Variants in CDC23 observed in about 807,000 individuals in gnomAD.
CDC23 encodes the protein cell division cycle 23.
Under a neutral mutation model 81.7 loss-of-function variants are expected in CDC23, and 26 were observed. That is an observed-to-expected ratio of 0.32 (90% CI 0.23 to 0.44). CDC23 has a LOEUF of 0.44. Ranked by LOEUF, CDC23 falls within the 20% of genes least tolerant of loss-of-function variation. The probability of loss-of-function intolerance (pLI) is 1.00; values close to 1 mark genes in which losing one functional copy is unlikely to be tolerated. For synonymous variants in CDC23, 267 were observed against 270.8 expected (o/e 0.99, Z 0.14); for missense variants, 519 against 728.0 (o/e 0.71, Z 3.30).
chr5:138,189,242 A>C, intron 15 of CDC23, 94 bp from the exon 16 acceptor site: 1 of 1,173,868 alleles, frequency 8.5e-7, no homozygotes. Context: ...CCACAGATCA[A>C]GGAGGCGGGA....
At position 138,189,715 on chromosome 5, in the gene CDC23, C is replaced by T; in HGVS notation, c.1541G>A (p.Arg514His). ...CTTAAAATAGTACTGGGCCAGATAGCGAAAGGCAGTGCTTTCCTCCAAGTG... is the reference window on the plus strand; with the variant it reads ...CTTAAAATAGTACTGGGCCAGATAGTGAAAGGCAGTGCTTTCCTCCAAGTG... The part of the protein sequence containing the change: ...VEHLEESTAF[R>H]YLAQYYFKCK... Residue 514 changes from arginine (R) to histidine (H), a missense_variant, in exon 15 of 16, where the codon CGC becomes CAC. By Grantham distance (29) the Arg-to-His change is conservative. Around this residue, in one of 4 missense-constraint regions of CDC23, gnomAD observed 175 missense variants for 337.8 expected, o/e 0.52. Transcript: ENST00000394886. 3.7e-6 allele frequency: 6 copies of T among 1,613,900 alleles called. No homozygotes were observed. The highest frequency in any genetic ancestry group is 5.1e-6 in the Non-Finnish European group (6 of 1,179,878).
intron 7 of CDC23, 34 bp downstream of exon 7, chr5:138,198,571 G>A (rs1481270784): frequency 1.2e-6 from 2 of 1,612,686 alleles, no homozygotes; most frequent in Non-Finnish European, 1.7e-6. Flanking sequence ...ACCTGTCAGG[G>A]TCTGATAGTA....
rs200106065 is a variant in CDC23, at chr5:138,192,237, T to C, written c.1286+32A>G. ...AAAAAAAAGTTATTAGCCCTTCCCA[T>C]ATCAGACGCATTGTCAAGTGACCAG... On this transcript the variant is annotated intron_variant, in intron 11 of 15. Transcript: ENST00000394886. The C allele has an allele frequency of 2.5e-6, 4 of 1,613,644 alleles. No homozygotes were observed. The East Asian group carries it at 6.7e-5, about 27-fold the overall frequency.
At chr5:138,200,258 A>G (rs776343037) in intron 6 of CDC23, among the ~76,000 whole-genome samples, 12 of 152,070 alleles carry the variant, frequency 7.9e-5, no homozygotes, top group Non-Finnish European at 1.3e-4. Flanking sequence ...CAGCCTCCCG[A>G]GTAGCTGGGA....
intron 3 of CDC23, among the ~76,000 whole-genome samples, chr5:138,203,801 T>A (rs1391670810): frequency 6.6e-6 from 1 of 151,988 alleles, no homozygotes; most frequent in East Asian, 1.9e-4. Context: ...TAATCCCAGC[T>A]ACCCAGGAGG....
intron 11 of CDC23, 140 bp from the exon 12 acceptor site, chr5:138,192,077 G>T: frequency 2.2e-6 from 2 of 922,686 alleles, no homozygotes; most frequent in African/African-American, 1.7e-5. Flanking sequence ...ATTACTTTGT[G>T]TTCATAATTA....
chr5:138,209,575 A>G (rs1755090926), intron 2 of CDC23, among the ~76,000 whole-genome samples: 1 of 152,134 alleles, frequency 6.6e-6, no homozygotes, highest in Non-Finnish European at 1.5e-5. Context: ...CTGTAATCCT[A>G]GCACTTTGGG....
In CDC23 at chr5:138,201,373, G is replaced by A. The variant is rs557103258; in HGVS notation, c.491C>T (p.Ala164Val). 2.5e-6 allele frequency: 4 copies of A among 1,614,026 alleles called. No homozygotes were observed. The South Asian group carries it at 3.3e-5, about 13-fold the overall frequency. Reference protein sequence around the residue: ...LRVELSKKHQARELDGFGLYL... With the variant: ...LRVELSKKHQVRELDGFGLYL... The stretch of plus-strand genomic sequence containing the variant: ...AAGTCCAAATCCATCAAGTTCTCGA[G>A]CTTGGTGTTTTTTGCTGAGCTCCAC... The change falls in exon 5 of 16, where the codon GCT becomes GTT. Residue 164 changes from alanine (A) to valine (V), a missense_variant. Around this residue, in one of 4 missense-constraint regions of CDC23, gnomAD observed 180 missense variants for 239.3 expected, o/e 0.75. Coordinates refer to ENST00000394886, the MANE Select transcript of CDC23 (RefSeq NM_004661.4).
chr5:138,189,824 A>C lies in CDC23; in HGVS notation c.1503+4T>G, dbSNP rs762284617. On this transcript the variant is annotated splice_donor_region_variant and intron_variant, in intron 14 of 15. Coordinates refer to ENST00000394886, the MANE Select transcript of CDC23 (RefSeq NM_004661.4). ...CAGTACAATTCTCATGGTATGATAC[A>C]TACCCCACAGGAATAGATATCTTGG... 2 of 1,614,090 alleles carry C rather than the reference A, an allele frequency of 1.2e-6. No homozygotes were observed. The highest frequency in any genetic ancestry group is 1.7e-6 in the Non-Finnish European group (2 of 1,179,954).
intron 9 of CDC23, among the ~76,000 whole-genome samples, chr5:138,196,967 C>T (rs1163925342): frequency 1.4e-5 from 2 of 143,030 alleles, no homozygotes; most frequent in African/African-American, 5.4e-5. Context: ...CCAGGCTGGA[C>T]TCGAACCCTG....
intron 2 of CDC23, among the ~76,000 whole-genome samples, chr5:138,211,660 CAAA>C (rs1316881432): frequency 8.7e-6 from 1 of 114,818 alleles, no homozygotes; most frequent in Non-Finnish European, 1.8e-5. Flanking sequence ...GACTCCGTCT[CAAA>C]AAAAAAAAAA....
At position 138,191,487 on chromosome 5, in the gene CDC23, C is replaced by A. The variant is rs779553359; in HGVS notation, c.1411G>T (p.Val471Leu). 1.2e-6 allele frequency: 2 copies of A among 1,614,092 alleles called. No homozygotes were observed. The highest frequency in any genetic ancestry group is 1.1e-5 in the South Asian group (1 of 91,082). The change falls in exon 13 of 16, where the codon GTG becomes TTG. Residue 471 changes from valine (V) to leucine (L), a missense_variant. By Grantham distance (32) the Val-to-Leu change is conservative (BLOSUM62 1). Coordinates refer to ENST00000394886, the MANE Select transcript of CDC23 (RefSeq NM_004661.4). ...CCTTTCACTCACTTTGCCAGTTTCA[C>A]CAGAGCCATTTTCTCCACATCTCCC... ...AVGDVEKMAL[V>L]KLAKLHEQLT...
Position 138,189,838 on chromosome 5 carries a change from T to C in CDC23, c.1493A>G (p.Tyr498Cys), listed in dbSNP as rs143799429. ...QCYIKYIQDI[Y>C]SCGEIVEHLE... Reference sequence around the variant, plus strand: ...TGGTATGATACATACCCCACAGGAATAGATATCTTGGATATATTTGATGTA... The same window carrying C: ...TGGTATGATACATACCCCACAGGAACAGATATCTTGGATATATTTGATGTA... The change falls in exon 14 of 16, where the codon TAT becomes TGT. Residue 498 changes from tyrosine (Y) to cysteine (C), a missense_variant. By Grantham distance (194) the Tyr-to-Cys change is radical. Coordinates refer to ENST00000394886, the MANE Select transcript of CDC23 (RefSeq NM_004661.4). 1.9e-6 allele frequency: 3 copies of C among 1,613,940 alleles called. No individual in the cohort carries two copies. In the African/African-American group the frequency reaches 4.0e-5, roughly 22 times the overall value.
At chr5:138,198,848 G>A (rs946628552) in intron 6 of CDC23, 66 bp from the exon 7 acceptor site, 3 of 1,490,338 alleles carry the variant, frequency 2.0e-6, no homozygotes, top group African/African-American at 2.8e-5. Flanking sequence ...AAACATCCAG[G>A]AACTATCTTT....
rs2231471 is a variant in CDC23 at position 138,213,287 on chromosome 5, G to A, written c.26C>T (p.Pro9Leu). The change falls in exon 1 of 16, where the codon CCG (proline) becomes CTG (leucine). Residue 9 changes from proline to leucine, a missense_variant. Pro to Leu is a moderately conservative substitution (Grantham distance 98). Around this residue, in one of 4 missense-constraint regions of CDC23, gnomAD observed 126 missense variants for 116.2 expected, o/e 1.08. Coordinates refer to ENST00000394886, the MANE Select transcript of CDC23 (RefSeq NM_004661.4). ...CGCCACTGCCGCCGTCACAGCCACCGGGACCATGGAGGTACTCGCAGCCAT... is the reference window on the plus strand; with the variant it reads ...CGCCACTGCCGCCGTCACAGCCACCAGGACCATGGAGGTACTCGCAGCCAT... MAASTSMV[P>L]VAVTAAVAPV... is the part of the protein sequence containing the mutation. The A allele has an allele frequency of 7.2e-5, 116 of 1,613,984 alleles. No homozygotes were observed. The East Asian group carries it at 2.4e-3, about 33-fold the overall frequency.
Position 138,189,648 on chromosome 5 carries a change from A to G in CDC23, c.1608T>C (p.Cys536=), listed in dbSNP as rs1389780934. The G allele has an allele frequency of 6.2e-7, 1 of 1,613,692 alleles. No individual in the cohort carries two copies. Among genetic ancestry groups the G allele is most frequent in the Admixed American group, 1.7e-5 (1 of 59,988 alleles). Residue 536 remains cysteine, a synonymous_variant, in exon 15 of 16, where the codon TGT becomes TGC. Coordinates refer to ENST00000394886, the MANE Select transcript of CDC23 (RefSeq NM_004661.4). ...WDEASTCAQK[C]CAFNDTREEG... ...TGATACTCACATCATTAAATGCACA[A>G]CACTTTTGTGCACAAGTTGAAGCTT...
intron 6 of CDC23, among the ~76,000 whole-genome samples, chr5:138,200,117 C>A (rs1754969277): frequency 2.0e-5 from 3 of 152,054 alleles, no homozygotes; most frequent in Admixed American, 2.0e-4. Flanking sequence ...GAGGCCTGAA[C>A]AATTTTTTGT....
intron 9 of CDC23, among the ~76,000 whole-genome samples, chr5:138,196,890 CTTT>C (rs34002952): frequency 8.8e-6 from 1 of 113,420 alleles, no homozygotes; most frequent in African/African-American, 3.5e-5. Context: ...TTTTTTTTTC[CTTT>C]TTTTTTTTTT....
At chr5:138,212,432 T>C (rs549091048) in intron 2 of CDC23, among the ~76,000 whole-genome samples, 1 of 152,240 alleles carries the variant, frequency 6.6e-6, no homozygotes, top group South Asian at 2.1e-4. Context: ...GATTCTCCTG[T>C]CTCAGCCTCC....
Sources: gnomAD v4.1 joint callset for allele counts (sites outside exome capture counted in the v4.1 genomes callset) on GRCh38, gnomAD v4.1.1 for gene constraint, gnomAD v4.1.1 regional missense constraint, MANE v1.5 for transcripts, NCBI Gene and HGNC (gene_info 2026-07-23, HGNC 2026-07-21) for gene names.